CD302: variants seen among roughly 807,000 people sequenced by gnomAD.
CD302 encodes the protein CD302 molecule.
A neutral mutation model predicts 26.5 loss-of-function variants in CD302; 23 were observed. That is an observed-to-expected ratio of 0.87 (90% CI 0.62 to 1.23). The LOEUF is 1.23. Ranked by LOEUF, CD302 falls within the 50% of genes most tolerant of loss-of-function variation. CD302 has a pLI of 0.00. For missense variants in CD302, 290 were observed against 275.5 expected (o/e 1.05, Z -0.37); for synonymous variants, 90 against 99.4 (o/e 0.91, Z 0.56).
At chr2:159,783,047 C>G (rs1708564627) in intron 2 of CD302, among the ~76,000 whole-genome samples, 1 of 152,206 alleles carries the variant, frequency 6.6e-6, no homozygotes, top group African/African-American at 2.4e-5. Context: ...TAATAATACA[C>G]TACTTGATAG....
chr2:159,776,376 C>T (rs1708325055), intron 5 of CD302, among the ~76,000 whole-genome samples: 1 of 151,998 alleles, frequency 6.6e-6, no homozygotes, highest in Non-Finnish European at 1.5e-5. Flanking sequence ...GATGGGTGTA[C>T]GGATATTAAA....
intron 1 of CD302, among the ~76,000 whole-genome samples, chr2:159,786,334 T>A (rs1369911312): frequency 5.5e-4 from 5 of 9,082 alleles, no homozygotes; most frequent in African/African-American, 8.4e-4. Flanking sequence ...GTCTTTTTCT[T>A]TTTTTTTTTT....
chr2:159,791,524 G>A (rs1054658578), intron 1 of CD302, among the ~76,000 whole-genome samples: 4 of 152,102 alleles, frequency 2.6e-5, no homozygotes, highest in African/African-American at 4.8e-5. Context: ...TTTATATAGC[G>A]GCTATCTGAT....
intron 5 of CD302, among the ~76,000 whole-genome samples, chr2:159,772,305 C>T (rs898941481): frequency 2.6e-5 from 4 of 152,184 alleles, no homozygotes; most frequent in Admixed American, 2.0e-4. Flanking sequence ...GTGGAAATCA[C>T]GCAAGTATAT....
chr2:159,771,659 G>A lies in CD302; in HGVS notation c.*192C>T. ...CTTAAAATCACTATATTAGATCTAA[G>A]ATCATTTCTAAAACCTGTTTTTTTA... On this transcript the variant is annotated 3_prime_UTR_variant, in exon 6 of 6. Transcript: ENST00000259053. 2 of 623,078 alleles carry A rather than the reference G, an allele frequency of 3.2e-6. No individual in the cohort carries two copies. Among genetic ancestry groups the A allele is most frequent in the Non-Finnish European group, 5.3e-6 (2 of 377,930 alleles). 38.6% of individuals were successfully genotyped at this position (623,078 alleles called of 1,614,324 possible).
chr2:159,787,871 G>A (rs551158331), intron 1 of CD302, among the ~76,000 whole-genome samples: 69 of 152,004 alleles, frequency 4.5e-4, no homozygotes, highest in East Asian at 1.7e-3. Flanking sequence ...TCCCAGCACC[G>A]AGGTGGGTGG....
chr2:159,782,428 A>AAAT (rs1221903581), intron 2 of CD302, among the ~76,000 whole-genome samples: 1 of 150,886 alleles, frequency 6.6e-6, no homozygotes, highest in African/African-American at 2.4e-5. Flanking sequence ...AAAAAAAAAA[A>AAAT]AAAAAAAAAA....
At chr2:159,773,128 CAT>C (rs1020461820) in intron 5 of CD302, among the ~76,000 whole-genome samples, 46 of 152,338 alleles carry the variant, frequency 3.0e-4, no homozygotes, top group Admixed American at 2.4e-3. Context: ...CAGGGATTCT[CAT>C]GTGTCAGCCT....
chr2:159,794,522 ATTTATTTAT>A (rs1192485103), intron 1 of CD302, among the ~76,000 whole-genome samples: 8 of 148,228 alleles, frequency 5.4e-5, no homozygotes, highest in Non-Finnish European at 9.0e-5. Flanking sequence ...AAATTAATTA[ATTTATTTAT>A]TTATTTATTT....
chr2:159,798,094 C>CG (rs1428315419), intron 1 of CD302, 38 bp downstream of exon 1: 2 of 1,489,184 alleles, frequency 1.3e-6, no homozygotes, highest in African/African-American at 1.5e-5. Flanking sequence ...CGAAGGCGGT[C>CG]GCGCACGGTC....
intron 2 of CD302, 94 bp downstream of exon 2, chr2:159,783,265 A>G (rs933862186): frequency 9.7e-6 from 10 of 1,027,946 alleles, no homozygotes; most frequent in Non-Finnish European, 1.2e-5. Flanking sequence ...GACCCAGTTA[A>G]AAGTCAGATG....
At chr2:159,778,537 A>G (rs1035594188) in intron 4 of CD302, among the ~76,000 whole-genome samples, 1 of 152,244 alleles carries the variant, frequency 6.6e-6, no homozygotes, top group South Asian at 2.1e-4. Context: ...TAGCAAGTAA[A>G]GAAATGTACA....
Position 159,798,161 on chromosome 2 carries a change from A to G in CD302, c.38T>C (p.Leu13Ser). The G allele has an allele frequency of 6.7e-7, 1 of 1,484,072 alleles. No homozygotes were observed. The highest frequency in any genetic ancestry group is 1.3e-5 in the South Asian group (1 of 78,878). 91.9% of individuals were successfully genotyped at this position (1,484,072 alleles called of 1,614,324 possible). A position where few individuals can be genotyped will look rare whatever the true frequency, so the allele number is the denominator to read the frequency against. ...GACGGCAGCAGCGGCGAGGCCCAGC[A>G]ACGGCAGCAGGAGCGCGGGCAGCGC... ...RAALPALLLP[L>S]LGLAAAAVAD... is the part of the protein sequence containing the mutation. The change falls in exon 1 of 6, where the codon TTG becomes TCG. Residue 13 changes from leucine to serine, a missense_variant. Transcript: ENST00000259053.
At chr2:159,781,613 AAAG>A (rs1560045475) in intron 2 of CD302, 1 of 151,778 alleles carries the variant, frequency 6.6e-6, no homozygotes, top group African/African-American at 2.4e-5. Context: ...GAAAGAAAGA[AAAG>A]AGGAAGAAGA....
intron 1 of CD302, among the ~76,000 whole-genome samples, chr2:159,785,379 C>T (rs1247457836): frequency 6.6e-6 from 1 of 152,164 alleles, no homozygotes; most frequent in African/African-American, 2.4e-5. Flanking sequence ...GAATCTAGAA[C>T]TCTCCCACAA....
At chr2:159,778,567 A>G (rs890060243) in intron 4 of CD302, among the ~76,000 whole-genome samples, 10 of 152,242 alleles carry the variant, frequency 6.6e-5, no homozygotes, top group African/African-American at 9.6e-5. Flanking sequence ...ATGTAAAGAA[A>G]GGAAATAAAG....
chr2:159,783,297 A>AAAT lies in CD302; in HGVS notation c.178+59_178+61dup, dbSNP rs985313784. The AAAT allele has an allele frequency of 4.4e-6, 6 of 1,350,458 alleles. No homozygotes were observed. The African/African-American group carries it at 5.9e-5, about 13-fold the overall frequency. 83.7% of individuals were successfully genotyped at this position (1,350,458 alleles called of 1,614,324 possible). On this transcript the variant is annotated intron_variant, in intron 2 of 5. Transcript: ENST00000259053. ...GATGTGACAAAATCAATTTTTAAAG[A>AAAT]AATTAATGAACACTGTTCACTAATT... is the stretch of plus-strand genomic sequence containing the variant.
intron 2 of CD302, among the ~76,000 whole-genome samples, chr2:159,782,193 G>A (rs1708533130): frequency 6.6e-6 from 1 of 151,956 alleles, no homozygotes; most frequent in Non-Finnish European, 1.5e-5. Context: ...ACTTGATCCT[G>A]ATCACAAGGT....
chr2:159,790,299 G>A (rs898148100), intron 1 of CD302, among the ~76,000 whole-genome samples: 2 of 152,066 alleles, frequency 1.3e-5, no homozygotes, highest in African/African-American at 4.8e-5. Flanking sequence ...TAGAATAAGT[G>A]AGCATTTCAA....
Sources: gnomAD v4.1 joint callset for allele counts (sites outside exome capture counted in the v4.1 genomes callset) on GRCh38, gnomAD v4.1.1 for gene constraint, MANE v1.5 for transcripts, NCBI Gene and HGNC (gene_info 2026-07-23, HGNC 2026-07-21) for gene names.